Variants in RASA1 observed in about 807,000 individuals in gnomAD.
RASA1 encodes RAS p21 protein activator 1, also known as ras GTPase-activating protein 1.
RASA1 carries 25 observed loss-of-function variants against 132.2 expected under a neutral mutation model. That is an observed-to-expected ratio of 0.19 (90% CI 0.14 to 0.26). RASA1 has a LOEUF of 0.26. RASA1 is among the 10% of genes least tolerant of loss of function. The pLI is 1.00. For missense variants in RASA1, 964 were observed against 1,299.2 expected, an observed-to-expected ratio of 0.74 and a Z score of 3.97; for synonymous variants, 477 against 449.9, an observed-to-expected ratio of 1.06 and a Z score of -0.76.
At chr5:87,381,489 A>T (rs1369383064) in intron 20 of RASA1, among the ~76,000 whole-genome samples, 1 of 152,242 alleles carries the variant, frequency 6.6e-6, no homozygotes, top group Non-Finnish European at 1.5e-5. Flanking sequence ...ATGTAAAATA[A>T]TTAGGCAACC....
Position 87,374,227 on chromosome 5 carries a change from C to T in RASA1, c.1841C>T (p.Pro614Leu). The T allele has an allele frequency of 6.3e-7, 1 of 1,589,262 alleles. No individual in the cohort carries two copies. Among genetic ancestry groups the T allele is most frequent in the Non-Finnish European group, 8.6e-7 (1 of 1,165,786 alleles). ...CTCCCAGTAAAACATTTTACTAATC[C>T]ATATTGTAACATCTACCTGAATAGT... ...HKLPVKHFTNPYCNIYLNSVQ... is the reference protein window; with the variant it reads ...HKLPVKHFTNLYCNIYLNSVQ... The change falls in exon 14 of 25, where the codon CCA (proline) becomes CTA (leucine). Residue 614 changes from proline to leucine, a missense_variant. Around this residue, in one of 6 missense-constraint regions of RASA1, gnomAD observed 346 missense variants for 520.1 expected, o/e 0.67. Transcript: ENST00000274376.
At position 87,386,938 on chromosome 5, in the gene RASA1, C is replaced by T. The variant is rs374593649; in HGVS notation, c.2925+35C>T. On this transcript the variant is annotated intron_variant, in intron 23 of 24. Coordinates refer to ENST00000274376, the MANE Select transcript of RASA1 (RefSeq NM_002890.3). ...TAGTTTTCAGGTACTTTTTTTAAGA[C>T]TTCTAGTTGATATAGCTGAGTTAAC... is the stretch of plus-strand genomic sequence containing the variant. 14 of 1,535,822 alleles carry T rather than the reference C, an allele frequency of 9.1e-6. No individual in the cohort carries two copies. The African/African-American group carries it at 1.2e-4, about 13-fold the overall frequency.
At chr5:87,386,682 C>T in intron 22 of RASA1, 144 bp from the exon 23 acceptor site, 2 of 686,722 alleles carry the variant, frequency 2.9e-6, no homozygotes, top group Non-Finnish European at 5.3e-6. Context: ...AGAAGTATTG[C>T]TACATGTATG....
chr5:87,269,502 G>A lies in RASA1; in HGVS notation c.539+512G>A, dbSNP rs547998543. Among the ~76,000 whole-genome samples the A allele has an allele frequency of 1.5e-4, 23 of 152,338 alleles. No homozygotes were observed. In the South Asian group the frequency reaches 3.5e-3, roughly 23 times the overall value. ...TTCTGATTAGAGAAAGCATAGTGAT[G>A]CAGAAGAGTCTTTGGGTCACTTAAT... On this transcript the variant is annotated intron_variant, in intron 1 of 24. Coordinates refer to ENST00000274376, the MANE Select transcript of RASA1 (RefSeq NM_002890.3).
intron 18 of RASA1, 123 bp downstream of exon 18, chr5:87,378,661 T>TA: frequency 3.0e-6 from 3 of 999,030 alleles, no homozygotes; most frequent in Non-Finnish European, 4.5e-6. Flanking sequence ...TCATAGCAGT[T>TA]ACACCTGTCT....
intron 5 of RASA1, among the ~76,000 whole-genome samples, chr5:87,339,390 C>T (rs1310052481): frequency 6.6e-6 from 1 of 152,084 alleles, no homozygotes; most frequent in African/African-American, 2.4e-5. Flanking sequence ...GATATTTACT[C>T]CATATAGGCA....
intron 11 of RASA1, among the ~76,000 whole-genome samples, chr5:87,364,324 G>A (rs1760341779): frequency 6.6e-6 from 1 of 152,050 alleles, no homozygotes; most frequent in African/African-American, 2.4e-5. Context: ...GTGTGTTTAG[G>A]AGATCACATT....
At position 87,275,611 on chromosome 5, in the gene RASA1, C is replaced by T. The variant is rs542613005; in HGVS notation, c.539+6621C>T. Reference sequence around the variant, plus strand: ...TTCCCCCCTGAGATGGAGTCTTGCCCTGTCGCCCAGGCTGGAGTGCAGTGG... The same window carrying T: ...TTCCCCCCTGAGATGGAGTCTTGCCTTGTCGCCCAGGCTGGAGTGCAGTGG... On this transcript the variant is annotated intron_variant, in intron 1 of 24. Coordinates refer to ENST00000274376, the MANE Select transcript of RASA1 (RefSeq NM_002890.3). Among the ~76,000 whole-genome samples the T allele has an allele frequency of 2.0e-5, 3 of 151,996 alleles. No homozygotes were observed. The South Asian group carries it at 6.3e-4, about 32-fold the overall frequency.
chr5:87,338,531 A>ATG (rs1554045533), intron 5 of RASA1, among the ~76,000 whole-genome samples: 4 of 81,036 alleles, frequency 4.9e-5, no homozygotes, highest in Non-Finnish European at 7.3e-5. Context: ...ATATATATAT[A>ATG]TAAAATTTTT....
rs1489566848 is a variant in RASA1 at position 87,377,215 on chromosome 5, C to T, written c.2344+175C>T. On this transcript the variant is annotated intron_variant, in intron 17 of 24. Transcript: ENST00000274376. ...ATGTCAGTTCTGATTATGTTGGTTA[C>T]TATGGGAAGCTGATATTTCTAATGT... 13 of 773,904 alleles carry T rather than the reference C, an allele frequency of 1.7e-5. No individual in the cohort carries two copies. In the South Asian group the frequency reaches 2.0e-4, roughly 12 times the overall value. 47.9% of individuals were successfully genotyped at this position (773,904 alleles called of 1,614,324 possible).
intron 1 of RASA1, among the ~76,000 whole-genome samples, chr5:87,273,536 G>T (rs1394682516): frequency 6.6e-6 from 1 of 151,938 alleles, no homozygotes; most frequent in African/African-American, 2.4e-5. Flanking sequence ...TTTGTGTAGT[G>T]CACCATCAGT....
chr5:87,341,446 T>G, intron 6 of RASA1, 125 bp downstream of exon 6: 1 of 486,244 alleles, frequency 2.1e-6, no homozygotes, highest in East Asian at 3.8e-5. Flanking sequence ...AAATTTGGCT[T>G]AGGGAACTGA....
intron 1 of RASA1, among the ~76,000 whole-genome samples, chr5:87,305,428 G>A (rs1003785515): frequency 3.9e-5 from 6 of 152,128 alleles, no homozygotes; most frequent in African/African-American, 1.4e-4. Flanking sequence ...TGGGATAACT[G>A]GCTAGCCATA....
intron 1 of RASA1, among the ~76,000 whole-genome samples, chr5:87,286,825 CACAT>C (rs1045473831): frequency 6.7e-6 from 1 of 149,764 alleles, no homozygotes; most frequent in Non-Finnish European, 1.5e-5. Flanking sequence ...CACACACACT[CACAT>C]ATATATATAC....
chr5:87,274,080 C>A (rs1282498568), intron 1 of RASA1, among the ~76,000 whole-genome samples: 1 of 152,118 alleles, frequency 6.6e-6, no homozygotes, highest in Non-Finnish European at 1.5e-5. Context: ...GGTGGCCATT[C>A]CTGCTTGAGA....
chr5:87,321,737 T>TGCCCACCTTCAC (rs1756826809), intron 1 of RASA1, among the ~76,000 whole-genome samples: 1 of 152,258 alleles, frequency 6.6e-6, no homozygotes, highest in Non-Finnish European at 1.5e-5. Context: ...CTCACCTTCT[T>TGCCCACCTTCAC]GCCCACCTTC....
chr5:87,352,085 A>G (rs1759317177), intron 8 of RASA1, among the ~76,000 whole-genome samples: 1 of 151,388 alleles, frequency 6.6e-6, no homozygotes, highest in Non-Finnish European at 1.5e-5. Flanking sequence ...AGATTTTTTT[A>G]TTAAAAACAT....
chr5:87,293,609 A>T (rs979564576), intron 1 of RASA1, among the ~76,000 whole-genome samples: 1 of 152,164 alleles, frequency 6.6e-6, no homozygotes, highest in African/African-American at 2.4e-5. Context: ...ATGACTTAGG[A>T]AGTAACTGCT....
intron 9 of RASA1, among the ~76,000 whole-genome samples, chr5:87,361,985 A>T (rs546784742): frequency 6.6e-6 from 1 of 152,268 alleles, no homozygotes; most frequent in South Asian, 2.1e-4. Flanking sequence ...GATTATCTGA[A>T]ATCATGGTTA....
Sources: allele counts gnomAD v4.1 joint callset (sites outside exome capture counted in the v4.1 genomes callset), GRCh38; gene constraint gnomAD v4.1.1; regional missense constraint gnomAD v4.1.1; transcripts MANE v1.5; gene names NCBI Gene and HGNC (gene_info 2026-07-23, HGNC 2026-07-21).